Variants in KIAA1614 observed in about 807,000 individuals in gnomAD.
KIAA1614 encodes uncharacterized protein KIAA1614.
KIAA1614 carries 76 observed loss-of-function variants against 88.7 expected under a neutral mutation model. The ratio of observed to expected loss-of-function variants is 0.86; its 90% CI spans 0.71 to 1.04. KIAA1614 has a LOEUF of 1.04. Among genes scored for constraint, KIAA1614 ranks in the 50% least tolerant of loss-of-function variants. The probability of loss-of-function intolerance (pLI) is 0.00; values close to 1 mark genes in which losing one functional copy is unlikely to be tolerated. For missense variants in KIAA1614, 1,553 were observed against 1,582.5 expected, an observed-to-expected ratio of 0.98 and a Z score of 0.32; for synonymous variants, 714 against 675.5, an observed-to-expected ratio of 1.06 and a Z score of -0.88.
chr1:180,933,484 G>T (rs911814391), intron 4 of KIAA1614, among the ~76,000 whole-genome samples: 1 of 152,198 alleles, frequency 6.6e-6, no homozygotes, highest in Non-Finnish European at 1.5e-5. Flanking sequence ...ATAAATGAAA[G>T]AAACAAGAGA....
Position 180,943,548 on chromosome 1 carries a change from A to ATT in KIAA1614, c.3160-840_3160-839insTT, listed in dbSNP as rs201999726. Among the ~76,000 whole-genome samples, 159 of 74,882 alleles carry ATT rather than the reference A, an allele frequency of 2.1e-3. 24 individuals carry two copies. Among genetic ancestry groups the ATT allele is most frequent in the Middle Eastern group, 8.1e-3 (1 of 124 alleles). 49.1% of individuals were successfully genotyped at this position (74,882 alleles called of 152,430 possible). A position where few individuals can be genotyped will look rare whatever the true frequency, so the allele number is the denominator to read the frequency against. ...GGATTGTAGGATTGAATGGTAGTAG[A>ATT]TCTTTTTTTTTTTTTTTTGAGACAG... On this transcript the variant is annotated intron_variant, in intron 7 of 8. Transcript: ENST00000367588.
chr1:180,936,877 C>T (rs924186264), intron 5 of KIAA1614, among the ~76,000 whole-genome samples: 2 of 152,158 alleles, frequency 1.3e-5, no homozygotes, highest in African/African-American at 4.8e-5. Flanking sequence ...GCAGGATTGA[C>T]CGCCGGCCTG....
chr1:180,920,212 G>A (rs995599570), intron 3 of KIAA1614, among the ~76,000 whole-genome samples: 1 of 152,174 alleles, frequency 6.6e-6, no homozygotes, highest in African/African-American at 2.4e-5. Context: ...TGGTCCCCAA[G>A]ACCCTGCAGG....
rs1239399471 is a variant in KIAA1614 at position 180,946,444 on chromosome 1, A to C, written c.*856A>C. 6.6e-6 allele frequency: 1 copy of C among 152,264 alleles called. No individual in the cohort carries two copies. Among genetic ancestry groups the C allele is most frequent in the Non-Finnish European group, 1.5e-5 (1 of 68,074 alleles). 9.4% of individuals were successfully genotyped at this position (152,264 alleles called of 1,614,324 possible). On this transcript the variant is annotated 3_prime_UTR_variant, in exon 9 of 9. Transcript: ENST00000367588. ...TCATTCTGCACTCTGACCAGTTCTC[A>C]GTTCCACCCCATCCATGAGTCTTTC... is the stretch of plus-strand genomic sequence containing the variant.
Position 180,944,504 on chromosome 1 carries a change from G to A in KIAA1614, c.3275G>A (p.Ser1092Asn). 2 of 1,613,632 alleles carry A rather than the reference G, an allele frequency of 1.2e-6. No homozygotes were observed. The highest frequency in any genetic ancestry group is 1.7e-6 in the Non-Finnish European group (2 of 1,179,738). ...CTGGTAGCAGGGCCAGGGGACCACA[G>A]TGCAGCTGGCAGGTATGAGGGGCAC... ...LYLVAGPGDH[S>N]AAGRPAKTSP... The change falls in exon 8 of 9, where the codon AGT becomes AAT. Residue 1092 changes from serine to asparagine, a missense_variant. Transcript: ENST00000367588.
intron 4 of KIAA1614, among the ~76,000 whole-genome samples, chr1:180,934,815 C>T (rs1187485252): frequency 1.3e-5 from 2 of 152,192 alleles, no homozygotes; most frequent in Non-Finnish European, 2.9e-5. Flanking sequence ...ACTTCAGCAT[C>T]TTCCCATTCA....
At chr1:180,942,622 G>C (rs1225238236) in intron 7 of KIAA1614, among the ~76,000 whole-genome samples, 1 of 152,206 alleles carries the variant, frequency 6.6e-6, no homozygotes, top group East Asian at 1.9e-4. Context: ...GGGGGGAATC[G>C]GCAGCGGTGA....
Position 180,935,715 on chromosome 1 carries a change from C to A in KIAA1614, c.1806C>A (p.Thr602=). Residue 602 remains threonine (T), a synonymous_variant, in exon 5 of 9, where the codon ACC becomes ACA. Transcript: ENST00000367588. This position sits in a 1 kb window ranked among gnomAD's most constrained non-coding sequence, Gnocchi z 6.1. ...TCCGGGAAACACACATCGGAGACAC[C>A]GTGTGCCCTGCGGAGGTGGACTCTG... ...EWIRETHIGD[T]VCPAEVDSAL... 1 of 1,613,760 alleles carries A rather than the reference C, an allele frequency of 6.2e-7. No homozygotes were observed. The highest frequency in any genetic ancestry group is 1.1e-5 in the South Asian group (1 of 91,076).
chr1:180,939,728 C>G (rs1434080052), intron 6 of KIAA1614, among the ~76,000 whole-genome samples: 1 of 152,220 alleles, frequency 6.6e-6, no homozygotes, highest in Non-Finnish European at 1.5e-5. Flanking sequence ...ACCCTGCCTG[C>G]AATGGTTTTT....
chr1:180,920,970 T>A (rs1653941780), intron 3 of KIAA1614, among the ~76,000 whole-genome samples: 1 of 152,236 alleles, frequency 6.6e-6, no homozygotes, highest in Non-Finnish European at 1.5e-5. Flanking sequence ...GCAAGAGCTA[T>A]GCTAAGTGCT....
chr1:180,943,437 C>A (rs907857063), intron 7 of KIAA1614, among the ~76,000 whole-genome samples: 4 of 132,474 alleles, frequency 3.0e-5, no homozygotes, highest in African/African-American at 1.1e-4. Flanking sequence ...ACACCATGTA[C>A]ACAGCAGCAC....
At chr1:180,939,465 C>G (rs565737910) in intron 6 of KIAA1614, among the ~76,000 whole-genome samples, 1 of 152,286 alleles carries the variant, frequency 6.6e-6, no homozygotes, top group African/African-American at 2.4e-5. Context: ...CACACAAGCC[C>G]GAATCCAGGA....
rs1046486849 is a variant in KIAA1614, at chr1:180,941,919, A to G, written c.3159+634A>G. ...CCTTGCAGTTCTGTCGATCACACAC[A>G]GTCTGACTTCGAACCTTCAGGGCTC... On this transcript the variant is annotated intron_variant, in intron 7 of 8. Coordinates refer to ENST00000367588, the MANE Select transcript of KIAA1614 (RefSeq NM_020950.2). Among the ~76,000 whole-genome samples the G allele has an allele frequency of 2.4e-4, 37 of 152,116 alleles. 1 individual carries two copies. The highest frequency in any genetic ancestry group is 8.0e-4 in the African/African-American group (33 of 41,402).
intron 3 of KIAA1614, among the ~76,000 whole-genome samples, chr1:180,925,105 C>T (rs956046553): frequency 6.6e-6 from 1 of 151,970 alleles, no homozygotes; most frequent in African/African-American, 2.4e-5. Context: ...GCAGGCTGCC[C>T]CCAAGCCACA....
chr1:180,936,798 C>T (rs934087734), intron 5 of KIAA1614, 128 bp downstream of exon 5: 30 of 620,456 alleles, frequency 4.8e-5, no homozygotes, highest in South Asian at 7.6e-5. Context: ...CAGATGGCAG[C>T]GTCACATACC....
In KIAA1614 at chr1:180,936,635, G is replaced by A. The variant is rs535764234; in HGVS notation, c.2726G>A (p.Arg909Gln). 275 of 1,576,350 alleles carry A rather than the reference G, an allele frequency of 1.7e-4. No individual in the cohort carries two copies. Among genetic ancestry groups the A allele is most frequent in the Non-Finnish European group, 2.0e-4 (231 of 1,164,226 alleles). ...AGGGTGGAGAGGGGCCCCTGCAGCC[G>A]GGAACCGGAGCCGCCCCTGGAGAAC... ...EGRVERGPCS[R>Q]EPEPPLENSR... Residue 909 changes from arginine to glutamine, a missense_variant, in exon 5 of 9, where the codon CGG becomes CAG. Transcript: ENST00000367588.
chr1:180,919,448 CCT>C (rs1377050378), intron 3 of KIAA1614, among the ~76,000 whole-genome samples: 2 of 152,222 alleles, frequency 1.3e-5, no homozygotes, highest in East Asian at 1.9e-4. Flanking sequence ...GCTCTGCTCC[CCT>C]GTCTGCGCCC....
At chr1:180,934,876 A>G (rs1400031066) in intron 4 of KIAA1614, among the ~76,000 whole-genome samples, 2 of 152,176 alleles carry the variant, frequency 1.3e-5, no homozygotes, top group African/African-American at 4.8e-5. Flanking sequence ...GGGAAAGCCA[A>G]AAGCACGGAA....
chr1:180,951,458 G>A lies in KIAA1614; in HGVS notation c.*5870G>A, dbSNP rs183550403. 564 of 152,560 alleles carry A rather than the reference G, an allele frequency of 3.7e-3. 1 individual carries two copies. The highest frequency in any genetic ancestry group is 0.014 in the Admixed American group (221 of 15,312). 9.5% of individuals were successfully genotyped at this position (152,560 alleles called of 1,614,324 possible). ...GCCCAGACCTCCTGGCGGTGCTGTC[G>A]GTGGGCAGGTGGGTGGGTGGGCAGC... On this transcript the variant is annotated 3_prime_UTR_variant, in exon 9 of 9. Coordinates refer to ENST00000367588, the MANE Select transcript of KIAA1614 (RefSeq NM_020950.2).
Sources: allele counts gnomAD v4.1 joint callset (sites outside exome capture counted in the v4.1 genomes callset), GRCh38; gene constraint gnomAD v4.1.1; non-coding constraint Gnocchi (gnomAD v3.1); transcripts MANE v1.5; gene names NCBI Gene and HGNC (gene_info 2026-07-23, HGNC 2026-07-21).